TNXB: variants seen among roughly 807,000 people sequenced by gnomAD.
TNXB encodes tenascin XB.
TNXB carries 183 observed loss-of-function variants against 340.5 expected under a neutral mutation model. The ratio of observed to expected loss-of-function variants is 0.54; its 90% confidence interval spans 0.48 to 0.61. TNXB has a LOEUF of 0.61. Ranked by LOEUF, TNXB falls within the 20% of genes least tolerant of loss-of-function variation. The pLI is 0.00. For synonymous variants in TNXB, 2,121 were observed against 2,314.5 expected, an observed-to-expected ratio of 0.92 and a Z score of 2.40; for missense variants, 4,613 against 5,446.4, an observed-to-expected ratio of 0.85 and a Z score of 4.82.
At position 32,082,417 on chromosome 6, in the gene TNXB, G is replaced by A. The variant is rs1779523791; in HGVS notation, c.3446-91C>T. Reference sequence around the variant, plus strand: ...ACATAGGAATGCTGTGTGAGGCTGTGCAGGTTGTTCACTGCACAAAAGTGC... The same window carrying A: ...ACATAGGAATGCTGTGTGAGGCTGTACAGGTTGTTCACTGCACAAAAGTGC... On this transcript the variant is annotated intron_variant, in intron 8 of 43. Coordinates refer to ENST00000644971, the MANE Select transcript of TNXB (RefSeq NM_001365276.2). The surrounding 1 kb of genome is among the most constrained non-coding windows in gnomAD (Gnocchi z 5.0). 2 of 1,350,880 alleles carry A rather than the reference G, an allele frequency of 1.5e-6. No homozygotes were observed. The highest frequency in any genetic ancestry group is 2.0e-6 in the Non-Finnish European group (2 of 993,242). 83.7% of individuals were successfully genotyped at this position (1,350,880 alleles called of 1,614,324 possible).
chr6:32,048,426 A>G lies in TNXB; in HGVS notation c.9982T>C (p.Phe3328Leu). 1 of 1,566,180 alleles carries G rather than the reference A, an allele frequency of 6.4e-7. No homozygotes were observed. Among genetic ancestry groups the G allele is most frequent in the Non-Finnish European group, 8.7e-7 (1 of 1,153,230 alleles). The stretch of plus-strand genomic sequence containing the variant: ...CCATTCTGGAGTCCAAAGAGCAGGA[A>G]CTTGTACTTGCGGGCCGGGTCCAGC... Reference protein sequence around the residue: ...SGLDPARKYKFLLFGLQNGKR... With the variant: ...SGLDPARKYKLLLFGLQNGKR... Residue 3328 changes from phenylalanine (F) to leucine (L), a missense_variant, in exon 29 of 44, where the codon TTC becomes CTC. By Grantham distance (22) the Phe-to-Leu change is conservative (BLOSUM62 0). This residue lies in a region of TNXB where 4,327 missense variants were observed against 4,859.4 expected (regional missense o/e 0.89). Coordinates refer to ENST00000644971, the MANE Select transcript of TNXB (RefSeq NM_001365276.2).
chr6:32,082,422 T>C lies in TNXB; in HGVS notation c.3446-96A>G, dbSNP rs1779524447. 7.8e-6 allele frequency: 10 copies of C among 1,277,410 alleles called. No individual in the cohort carries two copies. In the South Asian group the frequency reaches 1.0e-4, roughly 13 times the overall value. 79.1% of individuals were successfully genotyped at this position (1,277,410 alleles called of 1,614,324 possible). A position where few individuals can be genotyped will look rare whatever the true frequency, so the allele number is the denominator to read the frequency against. On this transcript the variant is annotated intron_variant, in intron 8 of 43. Transcript: ENST00000644971. This position sits in a 1 kb window ranked among gnomAD's most constrained non-coding sequence, Gnocchi z 5.0. ...GGAATGCTGTGTGAGGCTGTGCAGG[T>C]TGTTCACTGCACAAAAGTGCATTTG... is the stretch of plus-strand genomic sequence containing the variant.
rs768743709 is a variant in TNXB, at chr6:32,058,329, C to A, written c.7554G>T (p.Gly2518=). ...CCCCCAGGAGAGGCTCCTCGGGGGG[C>A]CCTGGGGCCTCTGTGCCTGGTTCTG... ...SPTEPGTEAP[G]PPEEPLLGEL... Residue 2518 remains glycine, a synonymous_variant, in exon 22 of 44, where the codon GGG becomes GGT. Transcript: ENST00000644971. This position sits in a 1 kb window ranked among gnomAD's most constrained non-coding sequence, Gnocchi z 5.1. The A allele has an allele frequency of 3.1e-6, 5 of 1,611,808 alleles. No homozygotes were observed. In the Admixed American group the frequency reaches 8.3e-5, roughly 27 times the overall value.
Position 32,085,049 on chromosome 6 carries a change from G to A in TNXB, c.3149-340C>T, listed in dbSNP as rs993511525. 3.3e-5 allele frequency among the ~76,000 whole-genome samples: 5 copies of A among 152,110 alleles called. No individual in the cohort carries two copies. The highest frequency in any genetic ancestry group is 1.2e-4 in the African/African-American group (5 of 41,412). ...AGTCTGAAAGCTCCTCTGCCCACCTGAGCTGCTGTCTCTCTTACCACCCTC... is the reference window on the plus strand; with the variant it reads ...AGTCTGAAAGCTCCTCTGCCCACCTAAGCTGCTGTCTCTCTTACCACCCTC... On this transcript the variant is annotated intron_variant, in intron 7 of 43. Coordinates refer to ENST00000644971, the MANE Select transcript of TNXB (RefSeq NM_001365276.2). This position sits in a 1 kb window ranked among gnomAD's most constrained non-coding sequence, Gnocchi z 6.4.
Position 32,053,610 on chromosome 6 carries a change from G to C in TNXB, c.8569C>G (p.Pro2857Ala), listed in dbSNP as rs774545672. The C allele has an allele frequency of 6.2e-7, 1 of 1,613,620 alleles. No individual in the cohort carries two copies. The highest frequency in any genetic ancestry group is 8.5e-7 in the Non-Finnish European group (1 of 1,179,840). ...ATCCAGGACAGGCTGAGGGAGTCAG[G>C]GGTGGCATCTGTCACGGTCAGCTCC... Reference protein sequence around the residue: ...LGELTVTDATPDSLSLSWMVP... With the variant: ...LGELTVTDATADSLSLSWMVP... The change falls in exon 25 of 44, where the codon CCT (proline) becomes GCT (alanine). Residue 2857 changes from proline (P) to alanine (A), a missense_variant. By Grantham distance (27) the Pro-to-Ala change is conservative. Around this residue, in one of 7 missense-constraint regions of TNXB, gnomAD observed 4,327 missense variants for 4,859.4 expected, o/e 0.89. Coordinates refer to ENST00000644971, the MANE Select transcript of TNXB (RefSeq NM_001365276.2).
At position 32,052,758 on chromosome 6, in the gene TNXB, G is replaced by T. The variant is rs1562796351; in HGVS notation, c.9027C>A (p.Gly3009=). The change falls in exon 26 of 44, where the codon GGC becomes GGA. Residue 3009 remains glycine, a synonymous_variant. Transcript: ENST00000644971. This position sits in a 1 kb window ranked among gnomAD's most constrained non-coding sequence, Gnocchi z 4.7. The part of the protein sequence containing the change: ...RGEESEVTVG[G]LEPGCKYKMH... The stretch of plus-strand genomic sequence containing the variant: ...TCTTGTATTTGCACCCGGGCTCCAG[G>T]CCCCCCACGGTGACCTCGCTCTCCT... 5 of 1,613,774 alleles carry T rather than the reference G, an allele frequency of 3.1e-6. No homozygotes were observed. Among genetic ancestry groups the T allele is most frequent in the East Asian group, 4.5e-5 (2 of 44,878 alleles).
At position 32,073,616 on chromosome 6, in the gene TNXB, G is replaced by T; in HGVS notation, c.4681+31C>A. On this transcript the variant is annotated intron_variant, in intron 12 of 43. Coordinates refer to ENST00000644971, the MANE Select transcript of TNXB (RefSeq NM_001365276.2). This position sits in a 1 kb window ranked among gnomAD's most constrained non-coding sequence, Gnocchi z 4.6. ...GGGGTGGGGGAGCTCTGGGTAACCA[G>T]AGATGAGGACTGAGTCCCCCCATTA... The T allele has an allele frequency of 6.3e-7, 1 of 1,584,466 alleles. No homozygotes were observed. Among genetic ancestry groups the T allele is most frequent in the East Asian group, 2.3e-5 (1 of 44,394 alleles).
Position 32,049,458 on chromosome 6 carries a change from TGGGGGACGGTCCAGGAGA to T in TNXB, c.9551_9568del (p.Leu3184_Pro3189del). The T allele has an allele frequency of 6.2e-7, 1 of 1,612,658 alleles. No individual in the cohort carries two copies. Among genetic ancestry groups the T allele is most frequent in the Non-Finnish European group, 8.5e-7 (1 of 1,179,858 alleles). ...CACGGTGAAGGAGTCGAAGCGGCCCTGGGGGACGGTCCAGGAGAGGCTCAGCGAGTCAGGGGAGGATCC... is the reference window on the plus strand; with the variant it reads ...CACGGTGAAGGAGTCGAAGCGGCCCTGGCTCAGCGAGTCAGGGGAGGATCC... On this transcript the variant is annotated inframe_deletion, in exon 28 of 44. Coordinates refer to ENST00000644971, the MANE Select transcript of TNXB (RefSeq NM_001365276.2). The surrounding 1 kb of genome is among the most constrained non-coding windows in gnomAD (Gnocchi z 4.5).
chr6:32,049,886 G>A lies in TNXB; in HGVS notation c.9439+112C>T. ...AGGGGAGTCCCAGCCCCAGCCACAA[G>A]CAGTTCTGTGGTGCTGACCAGACCC... On this transcript the variant is annotated intron_variant, in intron 27 of 43. Transcript: ENST00000644971. The surrounding 1 kb of genome is among the most constrained non-coding windows in gnomAD (Gnocchi z 4.5). 1 of 1,514,724 alleles carries A rather than the reference G, an allele frequency of 6.6e-7. No individual in the cohort carries two copies. Among genetic ancestry groups the A allele is most frequent in the Non-Finnish European group, 9.0e-7 (1 of 1,110,592 alleles). 93.8% of individuals were successfully genotyped at this position (1,514,724 alleles called of 1,614,324 possible).
Position 32,073,750 on chromosome 6 carries a change from C to A in TNXB, c.4578G>T (p.Glu1526Asp). The stretch of plus-strand genomic sequence containing the variant: ...CAGGCTCCAGGTTGTAGACTGTGAC[C>A]TCTCGCTGGTCTGCCGCCACCGGCA... ...QVVPVAADQREVTVYNLEPER... is the reference protein window; with the variant it reads ...QVVPVAADQRDVTVYNLEPER... The change falls in exon 12 of 44, where the codon GAG becomes GAT. Residue 1526 changes from glutamate to aspartate, a missense_variant. By Grantham distance (45) the Glu-to-Asp change is conservative (BLOSUM62 2). Coordinates refer to ENST00000644971, the MANE Select transcript of TNXB (RefSeq NM_001365276.2). This position sits in a 1 kb window ranked among gnomAD's most constrained non-coding sequence, Gnocchi z 4.6. 1 of 1,612,546 alleles carries A rather than the reference C, an allele frequency of 6.2e-7. No individual in the cohort carries two copies. The highest frequency in any genetic ancestry group is 1.7e-5 in the Admixed American group (1 of 59,922).
chr6:32,073,901 C>T lies in TNXB; in HGVS notation c.4427G>A (p.Arg1476His), dbSNP rs752343940. 1.6e-5 allele frequency: 26 copies of T among 1,608,536 alleles called. No homozygotes were observed. The highest frequency in any genetic ancestry group is 4.4e-5 in the South Asian group (4 of 89,996). Reference sequence around the variant, plus strand: ...ATCTGTCACTGTCAGCTCTCCTAGGCGTGGCTCCAGCGGGGACTCAGTGGC... The same window carrying T: ...ATCTGTCACTGTCAGCTCTCCTAGGTGTGGCTCCAGCGGGGACTCAGTGGC... ...PPATESPLEP[R>H]LGELTVTDVT... The change falls in exon 12 of 44, where the codon CGC (arginine) becomes CAC (histidine). Residue 1476 changes from arginine to histidine, a missense_variant. Arg to His is a conservative substitution (Grantham distance 29). Around this residue, in one of 7 missense-constraint regions of TNXB, gnomAD observed 4,327 missense variants for 4,859.4 expected, o/e 0.89. Transcript: ENST00000644971. The surrounding 1 kb of genome is among the most constrained non-coding windows in gnomAD (Gnocchi z 4.6).
At position 32,049,747 on chromosome 6, in the gene TNXB, A is replaced by G. The variant is rs187862025; in HGVS notation, c.9440-160T>C. On this transcript the variant is annotated intron_variant, in intron 27 of 43. Transcript: ENST00000644971. The surrounding 1 kb of genome is among the most constrained non-coding windows in gnomAD (Gnocchi z 4.5). ...TGCTCAGCTGACAGCTAACACACGT[A>G]ACAAGTTCCAGGGTCAGCTGTGGGG... Among the ~76,000 whole-genome samples the G allele has an allele frequency of 0.018, 2,796 of 152,064 alleles. 36 individuals carry two copies. Among genetic ancestry groups the G allele is most frequent in the Non-Finnish European group, 0.026 (1,739 of 67,972 alleles).
At position 32,061,149 on chromosome 6, in the gene TNXB, C is replaced by T. The variant is rs780455249; in HGVS notation, c.7492+248G>A. Among the ~76,000 whole-genome samples the T allele has an allele frequency of 2.6e-5, 4 of 151,866 alleles. No individual in the cohort carries two copies. The highest frequency in any genetic ancestry group is 6.5e-5 in the Admixed American group (1 of 15,274). On this transcript the variant is annotated intron_variant, in intron 21 of 43. Coordinates refer to ENST00000644971, the MANE Select transcript of TNXB (RefSeq NM_001365276.2). This position sits in a 1 kb window ranked among gnomAD's most constrained non-coding sequence, Gnocchi z 4.4. ...TAAGATGGAAAGAAAGGAAAATTCT[C>T]GTAAGTCAGGCTTGGTGTGCGCCTG...
Position 32,046,601 on chromosome 6 carries a change from T to C in TNXB, c.10325-145A>G. On this transcript the variant is annotated intron_variant, in intron 30 of 43. Coordinates refer to ENST00000644971, the MANE Select transcript of TNXB (RefSeq NM_001365276.2). The surrounding 1 kb of genome is among the most constrained non-coding windows in gnomAD (Gnocchi z 6.9). ...TCCTTGAGGAGACACACAGGCCTGC[T>C]CCCGCCATGCCCCACAGGAATGAGG... is the stretch of plus-strand genomic sequence containing the variant. The C allele has an allele frequency of 1.5e-6, 1 of 648,632 alleles. No individual in the cohort carries two copies. Among genetic ancestry groups the C allele is most frequent in the Non-Finnish European group, 2.4e-6 (1 of 408,980 alleles). 40.2% of individuals were successfully genotyped at this position (648,632 alleles called of 1,614,324 possible).
chr6:32,061,809 G>A lies in TNXB; in HGVS notation c.7169-89C>T. On this transcript the variant is annotated intron_variant, in intron 20 of 43. Coordinates refer to ENST00000644971, the MANE Select transcript of TNXB (RefSeq NM_001365276.2). This position sits in a 1 kb window ranked among gnomAD's most constrained non-coding sequence, Gnocchi z 4.4. ...AAAGGAGGGAGAAGGCTATGACTAGGGGACATATGAAATAGCCAAGGCTAT... is the reference window on the plus strand; with the variant it reads ...AAAGGAGGGAGAAGGCTATGACTAGAGGACATATGAAATAGCCAAGGCTAT... The A allele has an allele frequency of 1.3e-6, 2 of 1,509,712 alleles. No homozygotes were observed. The highest frequency in any genetic ancestry group is 2.3e-5 in the East Asian group (1 of 43,948). 93.5% of individuals were successfully genotyped at this position (1,509,712 alleles called of 1,614,324 possible).
chr6:32,043,927 AC>A, intron 34 of TNXB, 35 bp from the exon 35 acceptor site: 1 of 1,612,920 alleles, frequency 6.2e-7, no homozygotes, highest in Non-Finnish European at 8.5e-7. Flanking sequence ...TACCCAGGGA[AC>A]CCCAGGGCAG....
At chr6:32,054,443 C>T (rs1356500635) in intron 24 of TNXB, among the ~76,000 whole-genome samples, 17 of 152,230 alleles carry the variant, frequency 1.1e-4, no homozygotes, top group Admixed American at 3.3e-4. Flanking sequence ...CCACCAACTG[C>T]AAAGGACACC....
At chr6:32,071,147 C>A (rs1051821891) in intron 13 of TNXB, among the ~76,000 whole-genome samples, 1 of 152,164 alleles carries the variant, frequency 6.6e-6, no homozygotes, top group African/African-American at 2.4e-5. Flanking sequence ...AATAGGGAGC[C>A]CCCAGGGGCA....
intron 24 of TNXB, among the ~76,000 whole-genome samples, chr6:32,054,596 T>TCC (rs1777519041): frequency 6.6e-6 from 1 of 152,232 alleles, no homozygotes; most frequent in Non-Finnish European, 1.5e-5. Context: ...GTCCTGGCTG[T>TCC]CCCCTGGGTA....
Sources: allele counts gnomAD v4.1 joint callset (sites outside exome capture counted in the v4.1 genomes callset), GRCh38; gene constraint gnomAD v4.1.1; regional missense constraint gnomAD v4.1.1; non-coding constraint Gnocchi (gnomAD v3.1); transcripts MANE v1.5; gene names NCBI Gene and HGNC (gene_info 2026-07-23, HGNC 2026-07-21).